Variants in CTNNA3 observed in about 807,000 individuals in gnomAD.
The protein encoded by CTNNA3 is catenin alpha-3.
Under a neutral mutation model 95.7 loss-of-function variants are expected in CTNNA3, and 76 were observed. The observed-to-expected ratio is 0.79, with a 90% CI of 0.66 to 0.96. The LOEUF (loss-of-function observed/expected upper bound fraction) is 0.96, where lower values mean the gene tolerates loss of function less well. Ranked by LOEUF, CTNNA3 falls within the 40% of genes least tolerant of loss-of-function variation. CTNNA3 has a pLI of 0.00. For synonymous variants in CTNNA3, 431 were observed against 374.4 expected (o/e 1.15, Z -1.74); for missense variants, 1,191 against 1,089.8 (o/e 1.09, Z -1.31).
chr10:66,367,890 AT>A (rs2092724684), intron 12 of CTNNA3, among the ~76,000 whole-genome samples: 3 of 13,872 alleles, frequency 2.2e-4, no homozygotes, highest in Non-Finnish European at 5.2e-4. Context: ...AATTATTATT[AT>A]TATTATTATT....
intron 10 of CTNNA3, among the ~76,000 whole-genome samples, chr10:66,539,183 C>T (rs1188597541): frequency 6.6e-6 from 1 of 151,978 alleles, no homozygotes; most frequent in African/African-American, 2.4e-5. Flanking sequence ...AAAATAGGAG[C>T]CACAGACACT....
chr10:66,920,856 G>T (rs1014770227), intron 7 of CTNNA3, among the ~76,000 whole-genome samples: 8 of 152,012 alleles, frequency 5.3e-5, no homozygotes, highest in Admixed American at 5.2e-4. Context: ...CCTTAGAAAA[G>T]TTCTGTTGAT....
intron 1 of CTNNA3, among the ~76,000 whole-genome samples, chr10:67,734,123 A>G (rs1039376574): frequency 1.3e-5 from 2 of 152,186 alleles, no homozygotes; most frequent in African/African-American, 4.8e-5. Flanking sequence ...ACCTTATTAA[A>G]TAGCCTTCCT....
intron 7 of CTNNA3, among the ~76,000 whole-genome samples, chr10:66,931,742 T>C (rs763885490): frequency 2.0e-5 from 3 of 152,180 alleles, no homozygotes; most frequent in Admixed American, 6.5e-5. Context: ...TTGACTTTTA[T>C]AGTAATGCTG....
rs115712278 is a variant in CTNNA3 at position 67,239,404 on chromosome 10, G to T, written c.580-19534C>A. Among the ~76,000 whole-genome samples, 1,225 of 151,876 alleles carry T rather than the reference G, an allele frequency of 8.1e-3. 12 individuals are homozygous for T. The highest frequency in any genetic ancestry group is 0.023 in the African/African-American group (973 of 41,434). On this transcript the variant is annotated intron_variant, in intron 5 of 17. Coordinates refer to ENST00000433211, the MANE Select transcript of CTNNA3 (RefSeq NM_013266.4). ...AAGCAAGACATAAAAGAGTATGTAT[G>T]GTTTAATTCCATCTATGTGAAGTTC...
intron 9 of CTNNA3, among the ~76,000 whole-genome samples, chr10:66,672,622 T>A (rs1055012231): frequency 2.0e-5 from 3 of 152,062 alleles, no homozygotes; most frequent in Non-Finnish European, 2.9e-5. Flanking sequence ...ACACAGTGTC[T>A]CTGGTTCCTA....
chr10:67,546,902 A>T (rs1358632463), intron 3 of CTNNA3, among the ~76,000 whole-genome samples: 3 of 152,184 alleles, frequency 2.0e-5, no homozygotes, highest in Non-Finnish European at 4.4e-5. Context: ...GCAAAAACTG[A>T]TATCTTTGCT....
chr10:66,687,726 CACACACAT>C (rs1847351679), intron 9 of CTNNA3, among the ~76,000 whole-genome samples: 4 of 96,142 alleles, frequency 4.2e-5, no homozygotes, highest in African/African-American at 2.3e-4. Context: ...TATACACACA[CACACACAT>C]ACACACACAC....
At chr10:67,207,248 G>T (rs1863944333) in intron 6 of CTNNA3, among the ~76,000 whole-genome samples, 3 of 152,092 alleles carry the variant, frequency 2.0e-5, no homozygotes, top group African/African-American at 2.4e-5. Context: ...GAAATAATAA[G>T]ATCTAGCAGT....
chr10:67,570,030 T>G (rs937314754), intron 3 of CTNNA3, among the ~76,000 whole-genome samples: 1 of 152,048 alleles, frequency 6.6e-6, no homozygotes, highest in Non-Finnish European at 1.5e-5. Flanking sequence ...CAATTCCACT[T>G]TCTTTTAGTC....
At position 66,033,135 on chromosome 10, in the gene CTNNA3, C is replaced by CTTTTTTTTTT. The variant is rs10665142; in HGVS notation, c.2159+36163_2159+36172dup. 1.5e-4 allele frequency among the ~76,000 whole-genome samples: 20 copies of CTTTTTTTTTT among 131,892 alleles called. 1 individual carries two copies. The highest frequency in any genetic ancestry group is 6.6e-4 in the East Asian group (3 of 4,518). The allele number at this position is 131,892 out of a possible 152,430, so 86.5% of individuals were successfully genotyped here. Reference sequence around the variant, plus strand: ...TGTAATAATTTTTTTTTCTTTTTTTCTTTTTTTTTTTTTTGAGACGAGTCT... The same window carrying CTTTTTTTTTT: ...TGTAATAATTTTTTTTTCTTTTTTTCTTTTTTTTTTTTTTTTTTTTTTTTGAGACGAGTCT... On this transcript the variant is annotated intron_variant, in intron 15 of 17. Transcript: ENST00000433211.
Position 66,043,490 on chromosome 10 carries a change from C to A in CTNNA3, c.2159+25818G>T, listed in dbSNP as rs143398958. ...ATTGCAATTCAGTATCTGTCTTTTG[C>A]TATAACAAATGAGCCAGATTTGAAA... On this transcript the variant is annotated intron_variant, in intron 15 of 17. Coordinates refer to ENST00000433211, the MANE Select transcript of CTNNA3 (RefSeq NM_013266.4). Among the ~76,000 whole-genome samples, 363 of 152,170 alleles carry A rather than the reference C, an allele frequency of 2.4e-3. 5 individuals carry two copies. The highest frequency in any genetic ancestry group is 8.4e-3 in the African/African-American group (350 of 41,500).
intron 9 of CTNNA3, among the ~76,000 whole-genome samples, chr10:66,741,141 C>A (rs1463632222): frequency 6.6e-6 from 1 of 152,018 alleles, no homozygotes; most frequent in Non-Finnish European, 1.5e-5. Flanking sequence ...TAAATGATAT[C>A]TTAGTAGATT....
chr10:67,148,125 T>A (rs1400334989), intron 7 of CTNNA3, among the ~76,000 whole-genome samples: 2 of 152,142 alleles, frequency 1.3e-5, no homozygotes, highest in Non-Finnish European at 2.9e-5. Context: ...AAAAGCTATA[T>A]ATGAACTAGA....
intron 5 of CTNNA3, among the ~76,000 whole-genome samples, chr10:67,243,995 C>A (rs1865812626): frequency 6.6e-6 from 1 of 152,188 alleles, no homozygotes; most frequent in Non-Finnish European, 1.5e-5. Context: ...ATTGATAACA[C>A]CTCTCACCAC....
intron 15 of CTNNA3, among the ~76,000 whole-genome samples, chr10:66,055,921 CAAAAAAAAAAA>C (rs386371652): frequency 1.7e-5 from 1 of 60,214 alleles, no homozygotes; most frequent in Admixed American, 2.1e-4. Flanking sequence ...GACTCCATCT[CAAAAAAAAAAA>C]AAAAAAAAAA....
At chr10:66,328,911 C>CATATATATATACATATAT (rs2092289571) in intron 12 of CTNNA3, among the ~76,000 whole-genome samples, 1 of 86,492 alleles carries the variant, frequency 1.2e-5, no homozygotes, top group East Asian at 4.1e-4. Flanking sequence ...CACATATATA[C>CATATATATATACATATAT]ATATATATAT....
At chr10:66,232,177 C>T (rs767402772) in intron 13 of CTNNA3, among the ~76,000 whole-genome samples, 4 of 152,042 alleles carry the variant, frequency 2.6e-5, no homozygotes, top group Non-Finnish European at 5.9e-5. Flanking sequence ...GAGCAGGAAC[C>T]CCAGACAATA....
intron 2 of CTNNA3, among the ~76,000 whole-genome samples, chr10:67,610,568 C>T (rs931538923): frequency 3.3e-5 from 5 of 152,194 alleles, no homozygotes; most frequent in Admixed American, 2.6e-4. Flanking sequence ...TTACTCCTAT[C>T]AGTGACTGTG....
Sources: gnomAD v4.1 joint callset for allele counts (sites outside exome capture counted in the v4.1 genomes callset) on GRCh38, gnomAD v4.1.1 for gene constraint, MANE v1.5 for transcripts, NCBI Gene and HGNC (gene_info 2026-07-23, HGNC 2026-07-21) for gene names.